The following TBC1D22A variants were observed in gnomAD, a reference collection of about 807,000 sequenced individuals.
TBC1D22A encodes the protein putative GTPase activator.
TBC1D22A carries 38 observed loss-of-function variants against 60.2 expected under a neutral mutation model. That is an observed-to-expected ratio of 0.63 (90% CI 0.49 to 0.83). The LOEUF is 0.83. Ranked by LOEUF, TBC1D22A falls within the 40% of genes least tolerant of loss-of-function variation. TBC1D22A has a pLI of 0.00. For synonymous variants in TBC1D22A, 302 were observed against 281.7 expected (o/e 1.07, Z -0.72); for missense variants, 628 against 701.0 (o/e 0.90, Z 1.18).
chr22:46,912,823 G>A (rs2070050145), intron 8 of TBC1D22A, among the ~76,000 whole-genome samples: 1 of 152,192 alleles, frequency 6.6e-6, no homozygotes, highest in Non-Finnish European at 1.5e-5. Context: ...CCAAAGTGCT[G>A]GGATTATAGA....
chr22:46,915,460 G>A (rs1422185838), intron 8 of TBC1D22A: 16 of 456,596 alleles, frequency 3.5e-5, no homozygotes, highest in African/African-American at 6.0e-5. Context: ...TTGGGCCTCA[G>A]CGTTCAGGTT....
intron 12 of TBC1D22A, among the ~76,000 whole-genome samples, chr22:47,136,635 A>G (rs944273677): frequency 2.6e-5 from 4 of 152,174 alleles, no homozygotes; most frequent in African/African-American, 9.7e-5. Context: ...AGCCCGGGCA[A>G]TCAGGGGTCC....
intron 6 of TBC1D22A, among the ~76,000 whole-genome samples, chr22:46,892,054 C>T (rs2068434555): frequency 6.6e-6 from 1 of 152,186 alleles, no homozygotes; most frequent in African/African-American, 2.4e-5. Context: ...CCAGAATTTG[C>T]TGTTAGAATA....
chr22:46,945,119 ATCC>A (rs1312658472), intron 8 of TBC1D22A, among the ~76,000 whole-genome samples: 5 of 152,204 alleles, frequency 3.3e-5, no homozygotes, highest in Admixed American at 1.3e-4. Flanking sequence ...TCAGAGTGGA[ATCC>A]TCATCTTCTG....
At chr22:46,958,226 C>T (rs1239269481) in intron 8 of TBC1D22A, among the ~76,000 whole-genome samples, 2 of 152,164 alleles carry the variant, frequency 1.3e-5, no homozygotes, top group Non-Finnish European at 2.9e-5. Flanking sequence ...TTTCGTAGAA[C>T]CAGGGAGGTT....
At chr22:47,068,771 G>C (rs904045213) in intron 11 of TBC1D22A, among the ~76,000 whole-genome samples, 3 of 152,198 alleles carry the variant, frequency 2.0e-5, no homozygotes, top group Non-Finnish European at 4.4e-5. Context: ...AAGGAGACAT[G>C]CAAATGAGGC....
At chr22:46,983,830 T>C (rs958189334) in intron 9 of TBC1D22A, among the ~76,000 whole-genome samples, 5 of 152,128 alleles carry the variant, frequency 3.3e-5, no homozygotes, top group African/African-American at 1.2e-4. Context: ...CTTTTAATGC[T>C]ATTTGGTATT....
At chr22:47,113,973 G>A (rs1290219472) in intron 12 of TBC1D22A, among the ~76,000 whole-genome samples, 1 of 152,184 alleles carries the variant, frequency 6.6e-6, no homozygotes, top group Non-Finnish European at 1.5e-5. Flanking sequence ...GCCACTGGCA[G>A]GGGCAGACTT....
chr22:46,812,769 T>C (rs901645367), intron 4 of TBC1D22A, among the ~76,000 whole-genome samples: 1 of 152,368 alleles, frequency 6.6e-6, no homozygotes, highest in South Asian at 2.1e-4. Context: ...ACTTGTCAAA[T>C]GTAGGGACTG....
intron 11 of TBC1D22A, among the ~76,000 whole-genome samples, chr22:47,053,700 C>T (rs1016337052): frequency 2.6e-5 from 4 of 152,244 alleles, no homozygotes; most frequent in Non-Finnish European, 4.4e-5. Context: ...TGAGAAACAT[C>T]ATTAGTAATT....
At chr22:46,900,870 T>A (rs1326290282) in intron 7 of TBC1D22A, among the ~76,000 whole-genome samples, 1 of 152,206 alleles carries the variant, frequency 6.6e-6, no homozygotes, top group Non-Finnish European at 1.5e-5. Context: ...ACTAATCTTA[T>A]TGGGGAAAGC....
chr22:47,065,591 T>C lies in TBC1D22A; in HGVS notation c.1329+28393T>C, dbSNP rs372015177. 2.8e-4 allele frequency among the ~76,000 whole-genome samples: 43 copies of C among 152,360 alleles called. No homozygotes were observed. In the East Asian group the frequency reaches 6.9e-3, roughly 25 times the overall value. On this transcript the variant is annotated intron_variant, in intron 11 of 12. Coordinates refer to ENST00000337137, the MANE Select transcript of TBC1D22A (RefSeq NM_014346.5). Reference sequence around the variant, plus strand: ...AAACAAGTATTAGTGAAGATTTCATTGTGTTTTTGCTGTGGGTCTCCACGA... The same window carrying C: ...AAACAAGTATTAGTGAAGATTTCATCGTGTTTTTGCTGTGGGTCTCCACGA...
chr22:46,783,569 C>T (rs1399876017), intron 1 of TBC1D22A, among the ~76,000 whole-genome samples: 1 of 147,916 alleles, frequency 6.8e-6, no homozygotes, highest in African/African-American at 2.5e-5. Context: ...TTTGTGTTTC[C>T]ATTCCCATGT....
intron 8 of TBC1D22A, among the ~76,000 whole-genome samples, chr22:46,916,929 A>C (rs1405242604): frequency 6.6e-6 from 1 of 152,188 alleles, no homozygotes; most frequent in Non-Finnish European, 1.5e-5. Context: ...GCAGCTCATA[A>C]ATTTCAGAGG....
chr22:46,851,057 G>A (rs2087251274), intron 4 of TBC1D22A, among the ~76,000 whole-genome samples: 1 of 152,212 alleles, frequency 6.6e-6, no homozygotes, highest in Non-Finnish European at 1.5e-5. Flanking sequence ...ATGGGGTGAT[G>A]GAAATGTCGG....
intron 4 of TBC1D22A, among the ~76,000 whole-genome samples, chr22:46,827,442 T>C (rs1329816424): frequency 1.3e-5 from 2 of 152,220 alleles, no homozygotes; most frequent in Non-Finnish European, 2.9e-5. Context: ...ACATTGCCTA[T>C]CCCTAAGGCA....
chr22:47,124,198 C>T (rs1175350020), intron 12 of TBC1D22A, among the ~76,000 whole-genome samples: 4 of 152,094 alleles, frequency 2.6e-5, no homozygotes, highest in Non-Finnish European at 5.9e-5. Context: ...TGGGGGTGGG[C>T]GCTGCCCTTG....
intron 12 of TBC1D22A, chr22:47,115,954 A>C (rs1272970502): frequency 1.3e-5 from 2 of 152,256 alleles, no homozygotes; most frequent in African/African-American, 4.8e-5. Flanking sequence ...ATTAGAAAAT[A>C]AGCTATCCCG....
chr22:46,804,312 G>A (rs1183066389), intron 4 of TBC1D22A, among the ~76,000 whole-genome samples: 3 of 152,198 alleles, frequency 2.0e-5, no homozygotes, highest in South Asian at 4.1e-4. Context: ...CATCATTAAC[G>A]GAAATGTTAT....
Sources: gnomAD v4.1 joint callset for allele counts (sites outside exome capture counted in the v4.1 genomes callset) on GRCh38, gnomAD v4.1.1 for gene constraint, MANE v1.5 for transcripts, NCBI Gene and HGNC (gene_info 2026-07-23, HGNC 2026-07-21) for gene names.